FSD1: variants seen among roughly 807,000 people sequenced by gnomAD.
The protein encoded by FSD1 is fibronectin type III and SPRY domain containing 1, also known as fibronectin type III and SPRY domain-containing protein 1.
FSD1 carries 23 observed loss-of-function variants against 58.2 expected under a neutral mutation model. The ratio of observed to expected loss-of-function variants is 0.40; its 90% CI spans 0.28 to 0.56. The LOEUF (loss-of-function observed/expected upper bound fraction) is 0.56, where lower values mean the gene tolerates loss of function less well. Among genes scored for constraint, FSD1 ranks in the 20% least tolerant of loss-of-function variants. The probability of loss-of-function intolerance (pLI) is 0.54; values close to 1 mark genes in which losing one functional copy is unlikely to be tolerated. For missense variants in FSD1, 563 were observed against 670.8 expected (o/e 0.84, Z 1.78); for synonymous variants, 265 against 263.4 (o/e 1.01, Z -0.06).
chr19:4,322,266 A>G (rs1191722045), intron 10 of FSD1, among the ~76,000 whole-genome samples: 1 of 130,524 alleles, frequency 7.7e-6, no homozygotes, highest in Non-Finnish European at 1.6e-5. Flanking sequence ...TGGGTCCTCA[A>G]TGATTATCTG....
chr19:4,323,769 C>T lies in FSD1; in HGVS notation c.*126C>T. 2.9e-6 allele frequency: 2 copies of T among 689,652 alleles called. No homozygotes were observed. Among genetic ancestry groups the T allele is most frequent in the Non-Finnish European group, 2.4e-6 (1 of 411,922 alleles). 42.7% of individuals were successfully genotyped at this position (689,652 alleles called of 1,614,324 possible). Reference sequence around the variant, plus strand: ...CCTTAACTCCAGATGGGGGGGTCACCAAGAGGGAGTGGGCACCCTGGCGGG... The same window carrying T: ...CCTTAACTCCAGATGGGGGGGTCACTAAGAGGGAGTGGGCACCCTGGCGGG... On this transcript the variant is annotated 3_prime_UTR_variant, in exon 13 of 13. Coordinates refer to ENST00000221856, the MANE Select transcript of FSD1 (RefSeq NM_024333.3). This position sits in a 1 kb window ranked among gnomAD's most constrained non-coding sequence, Gnocchi z 7.7.
chr19:4,314,919 C>T (rs1971736942), intron 7 of FSD1, among the ~76,000 whole-genome samples: 1 of 152,208 alleles, frequency 6.6e-6, no homozygotes, highest in Non-Finnish European at 1.5e-5. Flanking sequence ...AGGTGCTACG[C>T]TTTATAACCA....
At chr19:4,307,670 T>TA (rs1462034652) in intron 3 of FSD1, among the ~76,000 whole-genome samples, 5 of 152,100 alleles carry the variant, frequency 3.3e-5, no homozygotes, top group Admixed American at 6.5e-5. Context: ...CACCCGGCCT[T>TA]ACGTGTTTTT....
rs765941675 is a variant in FSD1, at chr19:4,310,493, C to T, written c.387C>T (p.Ala129=). ...QIKDGVTMAP[A]FRLSLKAKVS... is the part of the protein sequence containing the mutation. Reference sequence around the variant, plus strand: ...CCTGCAGAGTGACCATGGCCCCTGCCTTCCGGCTATCATTGAAAGCGAAGG... The same window carrying T: ...CCTGCAGAGTGACCATGGCCCCTGCTTTCCGGCTATCATTGAAAGCGAAGG... Residue 129 remains alanine, a synonymous_variant, in exon 6 of 13, where the codon GCC becomes GCT. Coordinates refer to ENST00000221856, the MANE Select transcript of FSD1 (RefSeq NM_024333.3). 5 of 1,612,950 alleles carry T rather than the reference C, an allele frequency of 3.1e-6. No homozygotes were observed. Among genetic ancestry groups the T allele is most frequent in the Admixed American group, 1.7e-5 (1 of 59,956 alleles).
chr19:4,310,707 G>C, intron 6 of FSD1, 111 bp downstream of exon 6: 2 of 1,272,168 alleles, frequency 1.6e-6, no homozygotes, highest in East Asian at 4.8e-5. Context: ...TCTGAATTCC[G>C]CCTGGGGGAG....
chr19:4,314,611 C>T (rs1216886005), intron 7 of FSD1, among the ~76,000 whole-genome samples: 1 of 152,008 alleles, frequency 6.6e-6, no homozygotes, highest in Non-Finnish European at 1.5e-5. Flanking sequence ...CTCAGCCTCC[C>T]TAGTAACTGG....
At chr19:4,314,317 C>T (rs185283989) in intron 7 of FSD1, among the ~76,000 whole-genome samples, 7 of 152,296 alleles carry the variant, frequency 4.6e-5, no homozygotes, top group African/African-American at 1.7e-4. Context: ...CAAATCCCTC[C>T]TCCAAGTGCC....
At chr19:4,319,900 G>A (rs546120135) in intron 10 of FSD1, among the ~76,000 whole-genome samples, 2 of 152,120 alleles carry the variant, frequency 1.3e-5, no homozygotes, top group Non-Finnish European at 2.9e-5. Context: ...TGGGAGGGGC[G>A]AGAGTATGAG....
rs376540589 is a variant in FSD1, at chr19:4,318,455, C to A, written c.909C>A (p.Arg303=). Residue 303 remains arginine (R), a synonymous_variant, in exon 9 of 13, where the codon CGC becomes CGA. Coordinates refer to ENST00000221856, the MANE Select transcript of FSD1 (RefSeq NM_024333.3). ...MGGKVQDIKA[R]EKDGKGRTAS... ...GGAAGGTGCAGGATATCAAGGCTCG[C>A]GAGAAAGATGGCAAGGGGCGGACGG... The A allele has an allele frequency of 1.9e-6, 3 of 1,613,654 alleles. No homozygotes were observed. Among genetic ancestry groups the A allele is most frequent in the African/African-American group, 2.7e-5 (2 of 74,990 alleles).
chr19:4,312,665 C>G (rs899968611), intron 7 of FSD1, among the ~76,000 whole-genome samples: 2 of 151,622 alleles, frequency 1.3e-5, no homozygotes, highest in Admixed American at 1.3e-4. Flanking sequence ...ATTAGCCGGG[C>G]GTGGCGGTGT....
intron 7 of FSD1, among the ~76,000 whole-genome samples, chr19:4,314,258 G>C (rs1264938022): frequency 6.6e-6 from 1 of 152,198 alleles, no homozygotes; most frequent in Non-Finnish European, 1.5e-5. Context: ...TCCTTTGCTT[G>C]AGAATCAAAA....
intron 7 of FSD1, among the ~76,000 whole-genome samples, chr19:4,313,238 G>A (rs1042296160): frequency 1.3e-5 from 2 of 152,016 alleles, no homozygotes; most frequent in African/African-American, 4.8e-5. Flanking sequence ...TACCAAGGGA[G>A]GCTAAGGTGG....
At chr19:4,308,720 T>C (rs1357624523) in intron 4 of FSD1, among the ~76,000 whole-genome samples, 2 of 151,870 alleles carry the variant, frequency 1.3e-5, no homozygotes, top group East Asian at 1.9e-4. Context: ...TAGCCGGGCG[T>C]GGTGGCGGGC....
chr19:4,305,453 T>C (rs538057553), intron 1 of FSD1, among the ~76,000 whole-genome samples: 3 of 151,092 alleles, frequency 2.0e-5, no homozygotes, highest in Non-Finnish European at 4.4e-5. Flanking sequence ...ATCCTTCTCC[T>C]CTGGGGTTTT....
chr19:4,308,349 C>T (rs532026913), intron 4 of FSD1, among the ~76,000 whole-genome samples: 85 of 151,640 alleles, frequency 5.6e-4, no homozygotes, highest in African/African-American at 1.9e-3. Context: ...CAGAGGTTGC[C>T]GTGAGCTGAG....
chr19:4,305,050 C>A (rs1418092683), intron 1 of FSD1, among the ~76,000 whole-genome samples: 2 of 124,280 alleles, frequency 1.6e-5, no homozygotes, highest in African/African-American at 6.0e-5. Context: ...TCCCTCCTGG[C>A]CGCGGACCAG....
chr19:4,306,537 G>A lies in FSD1; in HGVS notation c.243+208G>A, dbSNP rs181212397. 3.7e-3 allele frequency among the ~76,000 whole-genome samples: 555 copies of A among 151,630 alleles called. 2 individuals carry two copies. Among genetic ancestry groups the A allele is most frequent in the Middle Eastern group, 0.014 (4 of 292 alleles). On this transcript the variant is annotated intron_variant, in intron 3 of 12. Transcript: ENST00000221856. ...GGCTGGAGTGCAGTGGCATGATATC[G>A]GCTCACTGCAACCTCCGCCTCCTGG...
chr19:4,313,097 C>T (rs902320963), intron 7 of FSD1, among the ~76,000 whole-genome samples: 1 of 151,512 alleles, frequency 6.6e-6, no homozygotes, highest in African/African-American at 2.4e-5. Flanking sequence ...GCCTGTGATA[C>T]AGCACTTTGG....
intron 3 of FSD1, 143 bp downstream of exon 3, chr19:4,306,472 C>A (rs1568377765): frequency 3.5e-6 from 2 of 578,088 alleles, no homozygotes; most frequent in South Asian, 2.4e-5. Context: ...TACACTCTCT[C>A]TTTTTTTTTT....
Sources: allele counts gnomAD v4.1 joint callset (sites outside exome capture counted in the v4.1 genomes callset), GRCh38; gene constraint gnomAD v4.1.1; non-coding constraint Gnocchi (gnomAD v3.1); transcripts MANE v1.5; gene names NCBI Gene and HGNC (gene_info 2026-07-23, HGNC 2026-07-21).